Variants in RYR2 observed in about 807,000 individuals in gnomAD.
The protein encoded by RYR2 is cardiac muscle ryanodine receptor-calcium release channel.
A neutral mutation model predicts 601.1 loss-of-function variants in RYR2; 227 were observed. The observed-to-expected ratio is 0.38, with a 90% CI of 0.34 to 0.42. The LOEUF (loss-of-function observed/expected upper bound fraction) is 0.42, where lower values mean the gene tolerates loss of function less well. RYR2 is among the 10% of genes least tolerant of loss of function. The pLI is 1.00. For synonymous variants in RYR2, 2,223 were observed against 2,175.1 expected, an observed-to-expected ratio of 1.02 and a Z score of -0.61; for missense variants, 4,646 against 6,156.5, an observed-to-expected ratio of 0.75 and a Z score of 8.21.
At chr1:237,809,093 A>AAGTAATTGTGTATTTAT (rs1196638869) in intron 100 of RYR2, 58 bp downstream of exon 100, 9 of 1,457,990 alleles carry the variant, frequency 6.2e-6, no homozygotes, top group Non-Finnish European at 8.6e-6. Flanking sequence ...TCTGCAGTCT[A>AAGTAATTGTGTATTTAT]AGTAATTGTG....
Position 237,500,788 on chromosome 1 carries a change from C to A in RYR2, c.2281C>A (p.Leu761Met). Residue 761 changes from leucine (L) to methionine (M), a missense_variant, in exon 21 of 105, where the codon CTG becomes ATG. By Grantham distance (15) the Leu-to-Met change is conservative. Transcript: ENST00000366574. ...TDDVISCCLDLSAPSISFRIN... is the reference protein window; with the variant it reads ...TDDVISCCLDMSAPSISFRIN... ...TGATGTCATCAGTTGCTGTTTAGAT[C>A]TGAGTGCCCCAAGCATCTCGTTCCG... 6.2e-7 allele frequency: 1 copy of A among 1,613,990 alleles called. No individual in the cohort carries two copies. The highest frequency in any genetic ancestry group is 8.5e-7 in the Non-Finnish European group (1 of 1,179,880).
intron 101 of RYR2, among the ~76,000 whole-genome samples, chr1:237,827,779 A>G (rs1663295470): frequency 6.6e-6 from 1 of 151,906 alleles, no homozygotes. Flanking sequence ...TCTCCTAAAA[A>G]TACAAAAATT....
intron 3 of RYR2, among the ~76,000 whole-genome samples, chr1:237,332,730 TG>T: frequency 6.6e-6 from 1 of 152,362 alleles, no homozygotes; most frequent in Middle Eastern, 3.4e-3. Flanking sequence ...ATTGTTAAGT[TG>T]CGTTTTTTAA....
intron 12 of RYR2, among the ~76,000 whole-genome samples, chr1:237,433,538 C>T (rs1707049306): frequency 6.6e-6 from 1 of 152,132 alleles, no homozygotes; most frequent in Admixed American, 6.5e-5. Flanking sequence ...ACATTGTCAA[C>T]ATTTCAGAGA....
At chr1:237,663,712 A>G (rs756091277) in intron 56 of RYR2, among the ~76,000 whole-genome samples, 27 of 152,254 alleles carry the variant, frequency 1.8e-4, no homozygotes, top group Non-Finnish European at 2.8e-4. Flanking sequence ...ATATATTTCA[A>G]TATAGGTGAG....
chr1:237,470,301 A>G (rs1660570736), intron 17 of RYR2, among the ~76,000 whole-genome samples: 1 of 152,218 alleles, frequency 6.6e-6, no homozygotes, highest in Admixed American at 6.5e-5. Context: ...TCCATACAAA[A>G]TAGTTCTGAG....
chr1:237,183,306 A>T (rs1481050379), intron 1 of RYR2, among the ~76,000 whole-genome samples: 2 of 152,354 alleles, frequency 1.3e-5, no homozygotes, highest in African/African-American at 4.8e-5. Context: ...AATCTGTAAA[A>T]AGTGACTAGG....
intron 25 of RYR2, among the ~76,000 whole-genome samples, chr1:237,532,558 A>G (rs2147955734): frequency 6.6e-6 from 1 of 152,230 alleles, no homozygotes; most frequent in Non-Finnish European, 1.5e-5. Flanking sequence ...TTTTTTGGAA[A>G]GTATCCAAAA....
chr1:237,122,661 AAC>A (rs1670931621), intron 1 of RYR2, among the ~76,000 whole-genome samples: 1 of 150,880 alleles, frequency 6.6e-6, no homozygotes, highest in Admixed American at 6.7e-5. Flanking sequence ...CAGCCTGGGC[AAC>A]AGAGCAAGAC....
chr1:237,772,458 G>T (rs1014612631), intron 86 of RYR2, among the ~76,000 whole-genome samples: 1 of 152,090 alleles, frequency 6.6e-6, no homozygotes, highest in African/African-American at 2.4e-5. Flanking sequence ...GTAGGAATAG[G>T]AAAGAAAGGC....
chr1:237,122,730 G>A (rs1368291400), intron 1 of RYR2, among the ~76,000 whole-genome samples: 1 of 151,996 alleles, frequency 6.6e-6, no homozygotes, highest in Non-Finnish European at 1.5e-5. Flanking sequence ...TAAACTCTAT[G>A]ATCCTAAGTA....
intron 24 of RYR2, among the ~76,000 whole-genome samples, chr1:237,514,145 C>G (rs1666187435): frequency 6.6e-6 from 1 of 152,162 alleles, no homozygotes; most frequent in African/African-American, 2.4e-5. Flanking sequence ...CATAGCAGCT[C>G]ATTATTTCTT....
chr1:237,156,259 T>C (rs2148836410), intron 1 of RYR2, among the ~76,000 whole-genome samples: 1 of 152,370 alleles, frequency 6.6e-6, no homozygotes, highest in South Asian at 2.1e-4. Context: ...CTGCACTACA[T>C]TGTGAAGGTA....
At chr1:237,595,146 A>G (rs1675748572) in intron 33 of RYR2, among the ~76,000 whole-genome samples, 1 of 152,008 alleles carries the variant, frequency 6.6e-6, no homozygotes, top group East Asian at 1.9e-4. Context: ...ATGAGATGAA[A>G]ATTACAAATT....
At chr1:237,055,894 G>A (rs1039994494) in intron 1 of RYR2, among the ~76,000 whole-genome samples, 1 of 152,192 alleles carries the variant, frequency 6.6e-6, no homozygotes, top group African/African-American at 2.4e-5. Flanking sequence ...ACAGAGGGAA[G>A]ATGGTGTGAA....
chr1:237,603,301 T>C (rs1676714772), intron 35 of RYR2, among the ~76,000 whole-genome samples: 1 of 152,116 alleles, frequency 6.6e-6, no homozygotes, highest in Non-Finnish European at 1.5e-5. Context: ...TGAAGAGCCA[T>C]GAGAAGTGTA....
chr1:237,126,771 T>A (rs114766327), intron 1 of RYR2, among the ~76,000 whole-genome samples: 4,325 of 152,086 alleles, frequency 0.028, 83 homozygotes, highest in African/African-American at 0.029. Flanking sequence ...ATTTTATTTT[T>A]TTTATTTATT....
intron 1 of RYR2, among the ~76,000 whole-genome samples, chr1:237,216,758 A>G (rs745570308): frequency 6.6e-6 from 1 of 151,654 alleles, no homozygotes; most frequent in African/African-American, 2.4e-5. Context: ...CCACCAAAAA[A>G]AAAAAAACAA....
intron 1 of RYR2, among the ~76,000 whole-genome samples, chr1:237,269,573 C>T (rs574323819): frequency 1.2e-4 from 18 of 152,256 alleles, no homozygotes; most frequent in East Asian, 5.8e-4. Flanking sequence ...TGTCAAAACA[C>T]GTAAATGGTC....
Sources: allele counts gnomAD v4.1 joint callset (sites outside exome capture counted in the v4.1 genomes callset), GRCh38; gene constraint gnomAD v4.1.1; transcripts MANE v1.5; gene names NCBI Gene and HGNC (gene_info 2026-07-23, HGNC 2026-07-21).